TNKS: variants seen among roughly 807,000 people sequenced by gnomAD.
The protein encoded by TNKS is tankyrase, also known as poly [ADP-ribose] polymerase tankyrase-1.
A neutral mutation model predicts 135.8 loss-of-function variants in TNKS; 72 were observed. The ratio of observed to expected loss-of-function variants is 0.53; its 90% CI spans 0.44 to 0.64. TNKS has a LOEUF of 0.64. TNKS is among the 30% of genes least tolerant of loss of function. The probability of loss-of-function intolerance (pLI) is 0.00; values close to 1 mark genes in which losing one functional copy is unlikely to be tolerated. For synonymous variants in TNKS, 849 were observed against 649.3 expected, an observed-to-expected ratio of 1.31 and a Z score of -4.68; for missense variants, 1,769 against 1,674.0, an observed-to-expected ratio of 1.06 and a Z score of -0.99.
chr8:9,712,370 C>T lies in TNKS; in HGVS notation c.1749+2150C>T, dbSNP rs544066000. Among the ~76,000 whole-genome samples, 127 of 151,956 alleles carry T rather than the reference C, an allele frequency of 8.4e-4. 2 individuals carry two copies. Among genetic ancestry groups the T allele is most frequent in the Admixed American group, 3.4e-3 (52 of 15,262 alleles). ...TGGTGTGCACCTATAGTCCTAGCGA[C>T]TCGGGAGGCTGAGGCAGGAAGATCA... On this transcript the variant is annotated intron_variant, in intron 11 of 26. Coordinates refer to ENST00000310430, the MANE Select transcript of TNKS (RefSeq NM_003747.3).
At chr8:9,717,994 A>G (rs1478530914) in intron 11 of TNKS, among the ~76,000 whole-genome samples, 1 of 130,374 alleles carries the variant, frequency 7.7e-6, no homozygotes, top group African/African-American at 2.8e-5. Flanking sequence ...AGGGAAGTAA[A>G]GGGGTTTGTT....
chr8:9,638,959 A>G (rs995043115), intron 3 of TNKS, among the ~76,000 whole-genome samples: 1 of 152,174 alleles, frequency 6.6e-6, no homozygotes, highest in Non-Finnish European at 1.5e-5. Flanking sequence ...TTAAAAAGCG[A>G]TGGAAGTGAG....
At chr8:9,767,318 C>G (rs1391970052) in intron 25 of TNKS, among the ~76,000 whole-genome samples, 1 of 152,144 alleles carries the variant, frequency 6.6e-6, no homozygotes, top group African/African-American at 2.4e-5. Flanking sequence ...GAAAAAAGTA[C>G]TTTCCCTTTC....
At chr8:9,622,447 T>C (rs891837519) in intron 3 of TNKS, among the ~76,000 whole-genome samples, 4 of 152,218 alleles carry the variant, frequency 2.6e-5, no homozygotes, top group Non-Finnish European at 5.9e-5. Context: ...GTGAAGTAGA[T>C]ATTGTTATTG....
chr8:9,700,816 A>G (rs1803763853), intron 5 of TNKS, among the ~76,000 whole-genome samples: 2 of 152,206 alleles, frequency 1.3e-5, no homozygotes, highest in Non-Finnish European at 1.5e-5. Context: ...TATTTGAGTT[A>G]TATAAATTTC....
chr8:9,635,241 A>G (rs1800466099), intron 3 of TNKS, among the ~76,000 whole-genome samples: 1 of 152,118 alleles, frequency 6.6e-6, no homozygotes, highest in Admixed American at 6.6e-5. Flanking sequence ...GAACATAGGA[A>G]CCATCCTGAA....
chr8:9,677,174 T>A (rs1448566110), intron 3 of TNKS, among the ~76,000 whole-genome samples: 4 of 152,178 alleles, frequency 2.6e-5, no homozygotes, highest in Non-Finnish European at 5.9e-5. Flanking sequence ...CACCAGATAG[T>A]GGATGCTAGA....
At chr8:9,701,880 T>G (rs1284197699) in intron 5 of TNKS, among the ~76,000 whole-genome samples, 3 of 152,074 alleles carry the variant, frequency 2.0e-5, no homozygotes, top group Non-Finnish European at 4.4e-5. Flanking sequence ...AGATAAGTAC[T>G]GAGTAACACA....
At chr8:9,759,252 G>C (rs891159014) in intron 20 of TNKS, among the ~76,000 whole-genome samples, 9 of 152,190 alleles carry the variant, frequency 5.9e-5, no homozygotes, top group African/African-American at 2.2e-4. Context: ...GTTCTTCTAG[G>C]GTGAGCAGTC....
At position 9,655,462 on chromosome 8, in the gene TNKS, C is replaced by A. The variant is rs190022191; in HGVS notation, c.995-24489C>A. ...CTGCCTCCTCAAGTGGGTCCCTGAC[C>A]CCCGAGTAGCCTAACTGGGAGGCAC... On this transcript the variant is annotated intron_variant, in intron 3 of 26. Transcript: ENST00000310430. Among the ~76,000 whole-genome samples the A allele has an allele frequency of 4.7e-3, 712 of 152,288 alleles. 7 individuals are homozygous for A. The highest frequency in any genetic ancestry group is 0.016 in the African/African-American group (679 of 41,556).
chr8:9,627,968 A>G (rs1800128718), intron 3 of TNKS, among the ~76,000 whole-genome samples: 1 of 152,114 alleles, frequency 6.6e-6, no homozygotes, highest in Admixed American at 6.5e-5. Flanking sequence ...ACTCGTGTAC[A>G]ATGCTTTCCT....
At chr8:9,725,671 T>C (rs1805127496) in intron 12 of TNKS, among the ~76,000 whole-genome samples, 2 of 152,218 alleles carry the variant, frequency 1.3e-5, no homozygotes, top group Non-Finnish European at 1.5e-5. Context: ...AGTTGTAGAT[T>C]ATAGAGCCCA....
At chr8:9,595,203 C>G (rs1025624454) in intron 2 of TNKS, among the ~76,000 whole-genome samples, 2 of 150,638 alleles carry the variant, frequency 1.3e-5, no homozygotes, top group African/African-American at 4.9e-5. Flanking sequence ...TCACTGCAAC[C>G]TCTGCCTCCC....
intron 2 of TNKS, among the ~76,000 whole-genome samples, chr8:9,602,005 C>G (rs140956736): frequency 6.6e-6 from 1 of 152,034 alleles, no homozygotes; most frequent in Non-Finnish European, 1.5e-5. Context: ...TAGACGTTCT[C>G]AAGCAGGGAC....
chr8:9,745,657 G>A (rs564247555), intron 17 of TNKS, among the ~76,000 whole-genome samples: 21 of 152,092 alleles, frequency 1.4e-4, no homozygotes, highest in South Asian at 8.3e-4. Flanking sequence ...TGCTGGCCTC[G>A]GCCTCCCAAA....
rs1281968282 is a variant in TNKS at position 9,781,751 on chromosome 8, A to G, written c.*5015A>G. On this transcript the variant is annotated 3_prime_UTR_variant, in exon 27 of 27. Coordinates refer to ENST00000310430, the MANE Select transcript of TNKS (RefSeq NM_003747.3). ...CTCGGAGTAGTAATTGTGTTTTCTC[A>G]TTGTGATGTTGGTCTGTGTGAGCAA... 1 of 152,594 alleles carries G rather than the reference A, an allele frequency of 6.6e-6. No homozygotes were observed. Among genetic ancestry groups the G allele is most frequent in the African/African-American group, 2.4e-5 (1 of 41,442 alleles). The allele number at this position is 152,594 out of a possible 1,614,324, so 9.5% of individuals were successfully genotyped here. A position where few individuals can be genotyped will look rare whatever the true frequency, so the allele number is the denominator to read the frequency against.
intron 3 of TNKS, among the ~76,000 whole-genome samples, chr8:9,645,037 C>T (rs780877105): frequency 6.6e-6 from 1 of 152,130 alleles, no homozygotes; most frequent in Non-Finnish European, 1.5e-5. Context: ...GTTTTTTCTT[C>T]ACCATTTTAT....
intron 3 of TNKS, among the ~76,000 whole-genome samples, chr8:9,622,563 A>G (rs1226219395): frequency 6.6e-6 from 1 of 152,238 alleles, no homozygotes. Flanking sequence ...AGGATCAATG[A>G]GTGCTCTTAT....
chr8:9,614,925 C>CATTA (rs762825217), intron 2 of TNKS, among the ~76,000 whole-genome samples: 2 of 152,176 alleles, frequency 1.3e-5, no homozygotes, highest in Non-Finnish European at 2.9e-5. Flanking sequence ...ATATGGCAGG[C>CATTA]ATTACATTCG....
Sources: gnomAD v4.1 joint callset for allele counts (sites outside exome capture counted in the v4.1 genomes callset) on GRCh38, gnomAD v4.1.1 for gene constraint, MANE v1.5 for transcripts, NCBI Gene and HGNC (gene_info 2026-07-23, HGNC 2026-07-21) for gene names.